The following ANXA8 variants were observed in gnomAD, a reference collection of about 807,000 sequenced individuals.
The protein encoded by ANXA8 is annexin A8, also known as VAC-beta.
ANXA8 carries 9 observed loss-of-function variants against 26.8 expected under a neutral mutation model. The observed-to-expected ratio is 0.34, with a 90% confidence interval of 0.20 to 0.59. ANXA8 has a LOEUF of 0.59. ANXA8 is among the 20% of genes least tolerant of loss of function. The pLI, the probability that ANXA8 is intolerant of heterozygous loss-of-function variation, is 0.84. For missense variants in ANXA8, 83 were observed against 238.5 expected, an observed-to-expected ratio of 0.35 and a Z score of 4.29; for synonymous variants, 39 against 94.8, an observed-to-expected ratio of 0.41 and a Z score of 3.42.
chr10:47,650,634 G>A, the ANXA8 span, among the ~76,000 whole-genome samples: 15 of 143,694 alleles, frequency 1.0e-4, no homozygotes, highest in Admixed American at 6.2e-4. Flanking sequence ...GTGAAACCCC[G>A]TCTCTACTAA....
chr10:47,900,393 C>A, the ANXA8 span, among the ~76,000 whole-genome samples: 1 of 150,628 alleles, frequency 6.6e-6, no homozygotes, highest in East Asian at 2.0e-4. Flanking sequence ...TTAGAAAAAT[C>A]CCAAGGTTAA....
chr10:47,946,428 G>A, the ANXA8 span, among the ~76,000 whole-genome samples: 18 of 150,568 alleles, frequency 1.2e-4, no homozygotes, highest in South Asian at 2.1e-4. Context: ...ATGAGTGACC[G>A]GTCCAGTCTT....
At chr10:47,982,540 C>T in the ANXA8 span, among the ~76,000 whole-genome samples, 2 of 141,508 alleles carry the variant, frequency 1.4e-5, no homozygotes, top group Non-Finnish European at 3.1e-5. Context: ...AAGCTGGACA[C>T]TTACCTTACA....
At chr10:47,730,499 A>G in the ANXA8 span, 1 of 600,964 alleles carries the variant, frequency 1.7e-6, no homozygotes, top group Non-Finnish European at 3.0e-6. Context: ...GTCTTTTGAA[A>G]TAAATGAATG....
chr10:47,687,240 A>G, the ANXA8 span, among the ~76,000 whole-genome samples: 7 of 151,816 alleles, frequency 4.6e-5, no homozygotes, highest in Non-Finnish European at 7.4e-5. Flanking sequence ...TTTGATTTGC[A>G]TATATCTAAG....
At chr10:47,952,237 C>A in the ANXA8 span, among the ~76,000 whole-genome samples, 8 of 151,838 alleles carry the variant, frequency 5.3e-5, no homozygotes, top group South Asian at 1.2e-3. Flanking sequence ...CCACTTTTGC[C>A]ATGATCATTC....
At chr10:47,896,102 A>C in the ANXA8 span, among the ~76,000 whole-genome samples, 4 of 150,846 alleles carry the variant, frequency 2.7e-5, no homozygotes, top group African/African-American at 9.8e-5. Flanking sequence ...ATACGAAGCC[A>C]CATTTGTTCA....
At chr10:47,549,089 C>T in the ANXA8 span, among the ~76,000 whole-genome samples, 1 of 152,054 alleles carries the variant, frequency 6.6e-6, no homozygotes, top group African/African-American at 2.4e-5. Context: ...TTTTGGAACA[C>T]ATTTCATTGT....
chr10:47,633,870 A>G, the ANXA8 span, among the ~76,000 whole-genome samples: 7 of 147,084 alleles, frequency 4.8e-5, no homozygotes, highest in Non-Finnish European at 1.0e-4. Context: ...AATGTAGCTT[A>G]ATTATTTAAA....
At chr10:47,562,069 G>A in the ANXA8 span, among the ~76,000 whole-genome samples, 2 of 151,928 alleles carry the variant, frequency 1.3e-5, no homozygotes, top group Non-Finnish European at 2.9e-5. Flanking sequence ...AATCAATTAT[G>A]TATAAGATAT....
At chr10:47,626,499 T>G in the ANXA8 span, among the ~76,000 whole-genome samples, 1 of 150,024 alleles carries the variant, frequency 6.7e-6, no homozygotes, top group Non-Finnish European at 1.5e-5. Flanking sequence ...ATACAAAATC[T>G]TTCTTCTTAA....
At chr10:47,943,244 TG>T in the ANXA8 span, among the ~76,000 whole-genome samples, 1 of 140,202 alleles carries the variant, frequency 7.1e-6, no homozygotes, top group African/African-American at 2.8e-5. Context: ...TGCTTTTCCC[TG>T]CCCCATGTCA....
At chr10:47,470,321 T>C (rs1287408721) in intron 11 of ANXA8, among the ~76,000 whole-genome samples, 5 of 149,566 alleles carry the variant, frequency 3.3e-5, no homozygotes. Flanking sequence ...AGAGGGTGGC[T>C]TCATGTATCT....
the ANXA8 span, among the ~76,000 whole-genome samples, chr10:47,583,826 C>A: frequency 1.4e-5 from 2 of 142,632 alleles, 1 homozygote; most frequent in African/African-American, 5.7e-5. Context: ...AGCAAAGGTG[C>A]GGCTGGCTGG....
At chr10:47,571,577 CA>C in the ANXA8 span, among the ~76,000 whole-genome samples, 1 of 146,364 alleles carries the variant, frequency 6.8e-6, no homozygotes, top group African/African-American at 2.6e-5. Flanking sequence ...CAAAACAAAA[CA>C]AAAAAAAAGA....
At chr10:47,627,513 G>T in the ANXA8 span, among the ~76,000 whole-genome samples, 1 of 149,732 alleles carries the variant, frequency 6.7e-6, no homozygotes, top group Admixed American at 6.6e-5. Context: ...ATTAAATCAG[G>T]TGTGATAAAA....
At chr10:47,469,837 G>C (rs1481597669) in intron 11 of ANXA8, among the ~76,000 whole-genome samples, 1 of 151,362 alleles carries the variant, frequency 6.6e-6, no homozygotes, top group Non-Finnish European at 1.5e-5. Flanking sequence ...CCTGTTTTGA[G>C]CCTGAAATCT....
chr10:47,951,193 G>A, the ANXA8 span, among the ~76,000 whole-genome samples: 1 of 149,792 alleles, frequency 6.7e-6, no homozygotes, highest in South Asian at 2.1e-4. Context: ...ACAACCCAGA[G>A]GAAATGGGAA....
At chr10:47,939,301 C>A in the ANXA8 span, among the ~76,000 whole-genome samples, 1 of 52,772 alleles carries the variant, frequency 1.9e-5, no homozygotes, top group Non-Finnish European at 3.3e-5. Flanking sequence ...AAAACTCTGT[C>A]TCAAAAAAAA....
Sources: gnomAD v4.1 joint callset for allele counts (sites outside exome capture counted in the v4.1 genomes callset) on GRCh38, gnomAD v4.1.1 for gene constraint, MANE v1.5 for transcripts, NCBI Gene and HGNC (gene_info 2026-07-23, HGNC 2026-07-21) for gene names.